NUBP2: variants seen among roughly 807,000 people sequenced by gnomAD.
NUBP2 encodes cytosolic Fe-S cluster assembly factor NUBP2.
In NUBP2, 23 loss-of-function variants were observed where a neutral mutation model predicts 24.9. The observed-to-expected ratio is 0.92, with a 90% CI of 0.66 to 1.31. The LOEUF is 1.31. NUBP2 is among the 50% of genes most tolerant of loss of function. The probability of loss-of-function intolerance (pLI) is 0.00; values close to 1 mark genes in which losing one functional copy is unlikely to be tolerated. For synonymous variants in NUBP2, 186 were observed against 170.9 expected (o/e 1.09, Z -0.69); for missense variants, 403 against 386.5 (o/e 1.04, Z -0.36).
At position 1,788,997 on chromosome 16, in the gene NUBP2, C is replaced by A; in HGVS notation, c.*283C>A. On this transcript the variant is annotated 3_prime_UTR_variant, in exon 7 of 7. Transcript: ENST00000262302. The stretch of plus-strand genomic sequence containing the variant: ...TGCCTACCTGTGCCCCTGGCAGCCG[C>A]GTGTCCACACAGTTAGCGGAGCGCG... 2.3e-6 allele frequency: 1 copy of A among 435,722 alleles called. No homozygotes were observed. Among genetic ancestry groups the A allele is most frequent in the Non-Finnish European group, 4.1e-6 (1 of 242,964 alleles). 27.0% of individuals were successfully genotyped at this position (435,722 alleles called of 1,614,324 possible). A position where few individuals can be genotyped will look rare whatever the true frequency, so the allele number is the denominator to read the frequency against.
Position 1,788,709 on chromosome 16 carries a change from C to G in NUBP2, c.811C>G (p.Pro271Ala). The G allele has an allele frequency of 6.2e-7, 1 of 1,609,722 alleles. No homozygotes were observed. The highest frequency in any genetic ancestry group is 1.1e-5 in the South Asian group (1 of 90,822). The change falls in exon 7 of 7, where the codon CCC (proline) becomes GCC (alanine). Residue 271 changes from proline (P) to alanine (A), a missense_variant. Pro to Ala is a conservative substitution (Grantham distance 27). Transcript: ENST00000262302. ...TCTGGACGCGACGCCCGCGTGCCTC[C>G]CCTGACTAAGGCCACCTTGCAGCCG... is the stretch of plus-strand genomic sequence containing the variant. ...KILDATPACL[P>A]
At chr16:1,783,996 T>C (rs1420541927) in intron 1 of NUBP2, 12 of 984,890 alleles carry the variant, frequency 1.2e-5, no homozygotes, top group Non-Finnish European at 1.4e-5. Context: ...CCTGGCCCAG[T>C]GCTGGAGTCT....
At chr16:1,785,733 C>A (rs753371680) in intron 1 of NUBP2, 1 of 1,289,044 alleles carries the variant, frequency 7.8e-7, no homozygotes, top group Admixed American at 2.3e-5. Context: ...CCAGGTTCTC[C>A]GGGAGGCTTT....
chr16:1,788,771 C>A lies in NUBP2; in HGVS notation c.*57C>A. ...CACCAAGGGCTCTGCTCCAGCCTCTCAGAGAAACAGAGGCCTGGGCTCGGT... is the reference window on the plus strand; with the variant it reads ...CACCAAGGGCTCTGCTCCAGCCTCTAAGAGAAACAGAGGCCTGGGCTCGGT... On this transcript the variant is annotated 3_prime_UTR_variant, in exon 7 of 7. Transcript: ENST00000262302. The A allele has an allele frequency of 6.5e-7, 1 of 1,545,352 alleles. No homozygotes were observed.
rs779724190 is a variant in NUBP2 at position 1,787,850 on chromosome 16, C to T, written c.489+19C>T. 53 of 1,605,340 alleles carry T rather than the reference C, an allele frequency of 3.3e-5. No homozygotes were observed. The highest frequency in any genetic ancestry group is 4.3e-5 in the Non-Finnish European group (51 of 1,176,184). ...GCCCCAGGTAGCGCTGCGGCACCTT[C>T]CCGAGTCCCTGTGGGTGGCTTCCCA... On this transcript the variant is annotated intron_variant, in intron 4 of 6. Coordinates refer to ENST00000262302, the MANE Select transcript of NUBP2 (RefSeq NM_012225.4).
Position 1,783,042 on chromosome 16 carries a change from T to G in NUBP2, c.16+6T>G, listed in dbSNP as rs2141996509. The G allele has an allele frequency of 1.5e-6, 2 of 1,354,592 alleles. No individual in the cohort carries two copies. Among genetic ancestry groups the G allele is most frequent in the African/African-American group, 1.5e-5 (1 of 65,914 alleles). 83.9% of individuals were successfully genotyped at this position (1,354,592 alleles called of 1,614,324 possible). ...CGGGATGGAGGCGGCGGCCGGTGAGTGGCGGGCCAGGGTGCGGAGCCGCTC... is the reference window on the plus strand; with the variant it reads ...CGGGATGGAGGCGGCGGCCGGTGAGGGGCGGGCCAGGGTGCGGAGCCGCTC... On this transcript the variant is annotated splice_donor_region_variant and intron_variant, in intron 1 of 6. Coordinates refer to ENST00000262302, the MANE Select transcript of NUBP2 (RefSeq NM_012225.4).
At chr16:1,785,785 GA>G (rs1478447385) in intron 1 of NUBP2, 9 of 1,289,142 alleles carry the variant, frequency 7.0e-6, no homozygotes, top group Non-Finnish European at 9.1e-6. Context: ...AGGCGGATCA[GA>G]AGGGGGCAGG....
Position 1,788,800 on chromosome 16 carries a change from C to T in NUBP2, c.*86C>T, listed in dbSNP as rs1185822448. The T allele has an allele frequency of 6.8e-6, 10 of 1,469,350 alleles. No homozygotes were observed. The highest frequency in any genetic ancestry group is 1.4e-5 in the South Asian group (1 of 71,766). The allele number at this position is 1,469,350 out of a possible 1,614,324, so 91.0% of individuals were successfully genotyped here. A position where few individuals can be genotyped will look rare whatever the true frequency, so the allele number is the denominator to read the frequency against. On this transcript the variant is annotated 3_prime_UTR_variant, in exon 7 of 7. Coordinates refer to ENST00000262302, the MANE Select transcript of NUBP2 (RefSeq NM_012225.4). Reference sequence around the variant, plus strand: ...GAAACAGAGGCCTGGGCTCGGTTCCCGGGCCCTGCAGGGGCAGGCCCAGGC... The same window carrying T: ...GAAACAGAGGCCTGGGCTCGGTTCCTGGGCCCTGCAGGGGCAGGCCCAGGC...
At position 1,789,086 on chromosome 16, in the gene NUBP2, T is replaced by G; in HGVS notation, c.*372T>G. On this transcript the variant is annotated 3_prime_UTR_variant, in exon 7 of 7. Coordinates refer to ENST00000262302, the MANE Select transcript of NUBP2 (RefSeq NM_012225.4). Reference sequence around the variant, plus strand: ...ACCCTGGGTCGCTGTCATCTGTGTTTAGCTCGGGGAGTGCCCCCTAAGGGG... The same window carrying G: ...ACCCTGGGTCGCTGTCATCTGTGTTGAGCTCGGGGAGTGCCCCCTAAGGGG... 1 of 202,534 alleles carries G rather than the reference T, an allele frequency of 4.9e-6. No individual in the cohort carries two copies. Among genetic ancestry groups the G allele is most frequent in the Non-Finnish European group, 9.9e-6 (1 of 101,122 alleles). The allele number at this position is 202,534 out of a possible 1,614,324, so 12.5% of individuals were successfully genotyped here.
chr16:1,784,490 C>T (rs1316413052), intron 1 of NUBP2: 3 of 151,986 alleles, frequency 2.0e-5, no homozygotes, highest in African/African-American at 4.8e-5. Flanking sequence ...GCAATCTCCA[C>T]CTCCCAAGTT....
chr16:1,788,238 G>A (rs371198800), intron 6 of NUBP2, 31 bp downstream of exon 6: 129 of 1,449,522 alleles, frequency 8.9e-5, no homozygotes, highest in Middle Eastern at 8.2e-4. Flanking sequence ...CTGGGGTCGC[G>A]GCCTCCCATT....
At chr16:1,785,832 C>T (rs926214873) in intron 1 of NUBP2, 2 of 1,289,064 alleles carry the variant, frequency 1.6e-6, no homozygotes, top group Non-Finnish European at 1.0e-6. Flanking sequence ...TCACATGCAC[C>T]CTCCAAGGAC....
rs537921180 is a variant in NUBP2 at position 1,788,436 on chromosome 16, T to G, written c.671-133T>G. On this transcript the variant is annotated intron_variant, in intron 6 of 6. Transcript: ENST00000262302. ...CCCAGCCTGCTGGGAGGGCCGCGGG[T>G]CTGGAGGTGGAAATCGTCTGGCAGC... 61 of 1,338,804 alleles carry G rather than the reference T, an allele frequency of 4.6e-5. No homozygotes were observed. In the African/African-American group the frequency reaches 8.8e-4, roughly 19 times the overall value. 82.9% of individuals were successfully genotyped at this position (1,338,804 alleles called of 1,614,324 possible). A position where few individuals can be genotyped will look rare whatever the true frequency, so the allele number is the denominator to read the frequency against.
At position 1,788,736 on chromosome 16, in the gene NUBP2, T is replaced by C. The variant is rs1897119570; in HGVS notation, c.*22T>C. ...CTGACTAAGGCCACCTTGCAGCCGCTTTCCAGGGCCACCAAGGGCTCTGCT... is the reference window on the plus strand; with the variant it reads ...CTGACTAAGGCCACCTTGCAGCCGCCTTCCAGGGCCACCAAGGGCTCTGCT... On this transcript the variant is annotated 3_prime_UTR_variant, in exon 7 of 7. Coordinates refer to ENST00000262302, the MANE Select transcript of NUBP2 (RefSeq NM_012225.4). 6.3e-7 allele frequency: 1 copy of C among 1,599,678 alleles called. No homozygotes were observed. The highest frequency in any genetic ancestry group is 8.5e-7 in the Non-Finnish European group (1 of 1,172,288).
chr16:1,784,143 TGCAGTG>T, intron 1 of NUBP2: 1 of 607,562 alleles, frequency 1.6e-6, no homozygotes, highest in Non-Finnish European at 2.1e-6. Context: ...AAGGCTGAAG[TGCAGTG>T]GCACGATCAT....
In NUBP2 at chr16:1,783,062, C is replaced by T. The variant is rs1224753049; in HGVS notation, c.16+26C>T. The stretch of plus-strand genomic sequence containing the variant: ...GTGAGTGGCGGGCCAGGGTGCGGAG[C>T]CGCTCCAGGGCCTCGCTTGGGGCCC... On this transcript the variant is annotated intron_variant, in intron 1 of 6. Coordinates refer to ENST00000262302, the MANE Select transcript of NUBP2 (RefSeq NM_012225.4). 3.1e-6 allele frequency: 4 copies of T among 1,294,248 alleles called. 1 individual carries two copies. Among genetic ancestry groups the T allele is most frequent in the Admixed American group, 8.1e-5 (2 of 24,632 alleles). The allele number at this position is 1,294,248 out of a possible 1,614,324, so 80.2% of individuals were successfully genotyped here.
chr16:1,784,410 G>A (rs1256294623), intron 1 of NUBP2: 2 of 150,908 alleles, frequency 1.3e-5, no homozygotes, highest in African/African-American at 4.9e-5. Flanking sequence ...TTTTTTTGTT[G>A]GGGGGAGACG....
Position 1,787,781 on chromosome 16 carries a change from G to T in NUBP2, c.439G>T (p.Ala147Ser), listed in dbSNP as rs746774835. The T allele has an allele frequency of 3.1e-6, 5 of 1,612,344 alleles. No homozygotes were observed. The East Asian group carries it at 8.9e-5, about 29-fold the overall frequency. ...TSDEHMATIE[A>S]LRPYQPLGAL... ...CGATGAGCACATGGCCACCATAGAAGCCCTGCGTCCCTACCAGCCCCTGGG... is the reference window on the plus strand; with the variant it reads ...CGATGAGCACATGGCCACCATAGAATCCCTGCGTCCCTACCAGCCCCTGGG... Residue 147 changes from alanine to serine, a missense_variant, in exon 4 of 7, where the codon GCC becomes TCC. Physicochemically the swap from Ala to Ser is moderately conservative, Grantham distance 99 (BLOSUM62 1). Coordinates refer to ENST00000262302, the MANE Select transcript of NUBP2 (RefSeq NM_012225.4).
intron 2 of NUBP2, 47 bp downstream of exon 2, chr16:1,786,702 C>CA: frequency 6.2e-7 from 1 of 1,611,736 alleles, no homozygotes; most frequent in Non-Finnish European, 8.5e-7. Flanking sequence ...CAGCTGCCCG[C>CA]ATCCCGGTGG....
Sources: allele counts gnomAD v4.1 joint callset, GRCh38; gene constraint gnomAD v4.1.1; transcripts MANE v1.5; gene names NCBI Gene and HGNC (gene_info 2026-07-23, HGNC 2026-07-21).